The following ZNF407 variants were observed in gnomAD, a reference collection of about 807,000 sequenced individuals.
ZNF407 encodes zinc finger protein 407.
A neutral mutation model predicts 131.2 loss-of-function variants in ZNF407; 17 were observed. The observed-to-expected ratio is 0.13, with a 90% CI of 0.09 to 0.19. The LOEUF (loss-of-function observed/expected upper bound fraction) is 0.19, where lower values mean the gene tolerates loss of function less well. Ranked by LOEUF, ZNF407 falls within the 10% of genes least tolerant of loss-of-function variation. ZNF407 has a pLI of 1.00. For synonymous variants in ZNF407, 1,156 were observed against 1,062.0 expected, an observed-to-expected ratio of 1.09 and a Z score of -1.72; for missense variants, 2,681 against 2,830.6, an observed-to-expected ratio of 0.95 and a Z score of 1.20.
chr18:74,716,595 T>C (rs947146528), intron 3 of ZNF407, among the ~76,000 whole-genome samples: 1 of 152,152 alleles, frequency 6.6e-6, no homozygotes, highest in Non-Finnish European at 1.5e-5. Flanking sequence ...AAAATAACAG[T>C]AAAAATAACT....
chr18:74,841,331 G>C (rs1000905009), intron 4 of ZNF407, among the ~76,000 whole-genome samples: 1 of 152,070 alleles, frequency 6.6e-6, no homozygotes, highest in Non-Finnish European at 1.5e-5. Context: ...CCAGCCTCAG[G>C]GGGGCTGCTA....
intron 3 of ZNF407, among the ~76,000 whole-genome samples, chr18:74,776,733 A>T (rs1047300021): frequency 6.6e-5 from 10 of 152,228 alleles, no homozygotes; most frequent in African/African-American, 2.4e-4. Flanking sequence ...CGTAACTACT[A>T]ACAGCCTATT....
intron 3 of ZNF407, among the ~76,000 whole-genome samples, chr18:74,668,973 C>T (rs1406100504): frequency 6.6e-6 from 1 of 152,006 alleles, no homozygotes; most frequent in African/African-American, 2.4e-5. Flanking sequence ...GCTCCACTGG[C>T]CATGATCTTA....
At chr18:74,654,140 A>T (rs1384891542) in intron 3 of ZNF407, among the ~76,000 whole-genome samples, 1 of 151,866 alleles carries the variant, frequency 6.6e-6, no homozygotes, top group Admixed American at 6.6e-5. Flanking sequence ...GGTAGTAGGC[A>T]TACTATTAGA....
At chr18:75,061,762 G>T in intron 8 of ZNF407, 1 of 152,724 alleles carries the variant, frequency 6.5e-6, no homozygotes. Context: ...CTCCAGACCA[G>T]GGGATGCACC....
chr18:74,635,804 A>G lies in ZNF407; in HGVS notation c.4687+98A>G, dbSNP rs1455363369. On this transcript the variant is annotated intron_variant, in intron 2 of 8. Transcript: ENST00000299687. This position sits in a 1 kb window ranked among gnomAD's most constrained non-coding sequence, Gnocchi z 4.7. ...ACCTGTGGCTGCTCATTGGCTTTCC[A>G]CCCGGTTCACATTTCACTGCCGTGT... is the stretch of plus-strand genomic sequence containing the variant. 2 of 1,474,488 alleles carry G rather than the reference A, an allele frequency of 1.4e-6. No homozygotes were observed. Among genetic ancestry groups the G allele is most frequent in the Non-Finnish European group, 1.8e-6 (2 of 1,104,946 alleles). The allele number at this position is 1,474,488 out of a possible 1,614,324, so 91.3% of individuals were successfully genotyped here.
At chr18:74,630,830 T>A in intron 1 of ZNF407, 137 bp from the exon 2 acceptor site, 1 of 561,876 alleles carries the variant, frequency 1.8e-6, no homozygotes, top group Non-Finnish European at 2.8e-6. Context: ...TAAAAGACTT[T>A]AGACATGTAA....
At chr18:74,716,945 A>G (rs1436442589) in intron 3 of ZNF407, among the ~76,000 whole-genome samples, 2 of 152,214 alleles carry the variant, frequency 1.3e-5, no homozygotes, top group Non-Finnish European at 2.9e-5. Context: ...ACATTCATAG[A>G]GAAACTGTAA....
intron 3 of ZNF407, among the ~76,000 whole-genome samples, chr18:74,716,565 G>A (rs985959345): frequency 6.6e-6 from 1 of 152,104 alleles, no homozygotes; most frequent in African/African-American, 2.4e-5. Context: ...CTTATCCGTG[G>A]AGTTTTACAT....
chr18:75,054,808 TTGTC>T (rs1973542550), intron 8 of ZNF407, among the ~76,000 whole-genome samples: 1 of 152,252 alleles, frequency 6.6e-6, no homozygotes, highest in Non-Finnish European at 1.5e-5. Context: ...GGGGCGCTAT[TTGTC>T]TGGTAGAGTT....
chr18:74,996,516 C>G (rs535819001), intron 8 of ZNF407, among the ~76,000 whole-genome samples: 270 of 152,262 alleles, frequency 1.8e-3, no homozygotes, highest in Non-Finnish European at 3.5e-3. Flanking sequence ...GTTTAATAGT[C>G]GCAGATGCAC....
rs755995851 is a variant in ZNF407 at position 74,632,698 on chromosome 18, G to T, written c.1679G>T (p.Arg560Leu). The T allele has an allele frequency of 6.2e-7, 1 of 1,613,996 alleles. No homozygotes were observed. The highest frequency in any genetic ancestry group is 2.2e-5 in the East Asian group (1 of 44,878). Residue 560 changes from arginine to leucine, a missense_variant, in exon 2 of 9, where the codon CGT becomes CTT. By Grantham distance (102) the Arg-to-Leu change is moderately radical (BLOSUM62 -2). Around this residue, in one of 6 missense-constraint regions of ZNF407, gnomAD observed 1,789 missense variants for 1,748.7 expected, o/e 1.02. Transcript: ENST00000299687. ...CHAREMKFYC[R>L]TCDFSSMSRR... ...GCCAGAGAGATGAAATTTTACTGCCGTACTTGTGACTTCTCTAGTATGTCA... is the reference window on the plus strand; with the variant it reads ...GCCAGAGAGATGAAATTTTACTGCCTTACTTGTGACTTCTCTAGTATGTCA...
intron 2 of ZNF407, among the ~76,000 whole-genome samples, chr18:74,637,633 G>C (rs1371918541): frequency 1.3e-5 from 2 of 151,940 alleles, no homozygotes; most frequent in South Asian, 2.1e-4. Flanking sequence ...TCATTTTTTG[G>C]GGAAGTTGGT....
intron 8 of ZNF407, among the ~76,000 whole-genome samples, chr18:74,991,764 C>T (rs1252865414): frequency 6.6e-6 from 1 of 152,154 alleles, no homozygotes; most frequent in Non-Finnish European, 1.5e-5. Context: ...TCTAGTTCAC[C>T]CACTTAAACT....
chr18:74,814,650 A>AT (rs564013303), intron 4 of ZNF407, among the ~76,000 whole-genome samples: 87 of 152,312 alleles, frequency 5.7e-4, no homozygotes, highest in African/African-American at 2.0e-3. Context: ...AGATAAACAT[A>AT]TTTTTTTATC....
chr18:74,917,555 C>T (rs992819027), intron 7 of ZNF407, among the ~76,000 whole-genome samples: 3 of 152,136 alleles, frequency 2.0e-5, no homozygotes, highest in Non-Finnish European at 2.9e-5. Flanking sequence ...CCATATACGT[C>T]TTACCTATTT....
chr18:74,803,081 G>A (rs1970048306), intron 4 of ZNF407, among the ~76,000 whole-genome samples: 2 of 152,014 alleles, frequency 1.3e-5, no homozygotes, highest in South Asian at 4.1e-4. Context: ...TTCCAGGGTG[G>A]TAGCTAATGA....
chr18:74,923,410 T>A (rs1055595399), intron 8 of ZNF407, among the ~76,000 whole-genome samples: 9 of 152,124 alleles, frequency 5.9e-5, no homozygotes, highest in Non-Finnish European at 1.2e-4. Context: ...CTTTAAAATT[T>A]GTGTAGACTT....
intron 3 of ZNF407, among the ~76,000 whole-genome samples, chr18:74,692,700 G>A (rs1967255519): frequency 6.6e-6 from 1 of 152,108 alleles, no homozygotes; most frequent in South Asian, 2.1e-4. Context: ...CGCCCCTGGG[G>A]TTAGAGGGTG....
Sources: gnomAD v4.1 joint callset for allele counts (sites outside exome capture counted in the v4.1 genomes callset) on GRCh38, gnomAD v4.1.1 for gene constraint, gnomAD v4.1.1 regional missense constraint, Gnocchi (gnomAD v3.1) non-coding constraint, MANE v1.5 for transcripts, NCBI Gene and HGNC (gene_info 2026-07-23, HGNC 2026-07-21) for gene names.